The following FAM171A1 variants were observed in gnomAD, a reference collection of about 807,000 sequenced individuals.
FAM171A1 encodes the protein protein FAM171A1.
FAM171A1 carries 23 observed loss-of-function variants against 74.9 expected under a neutral mutation model. The observed-to-expected ratio is 0.31, with a 90% CI of 0.22 to 0.44. The LOEUF is 0.44. Ranked by LOEUF, FAM171A1 falls within the 20% of genes least tolerant of loss-of-function variation. The pLI, the probability that FAM171A1 is intolerant of heterozygous loss-of-function variation, is 1.00. For synonymous variants in FAM171A1, 527 were observed against 505.7 expected (o/e 1.04, Z -0.57); for missense variants, 1,162 against 1,159.2 (o/e 1.00, Z -0.03).
intron 3 of FAM171A1, among the ~76,000 whole-genome samples, chr10:15,259,033 C>T (rs1390041645): frequency 1.3e-5 from 2 of 152,162 alleles, no homozygotes; most frequent in Non-Finnish European, 2.9e-5. Flanking sequence ...GCCCATCTGT[C>T]ACTCTAAAAT....
chr10:15,274,210 C>T (rs1384079055), intron 3 of FAM171A1, among the ~76,000 whole-genome samples: 4 of 152,146 alleles, frequency 2.6e-5, no homozygotes, highest in African/African-American at 7.2e-5. Flanking sequence ...AATCAATGTG[C>T]AAAAATCACA....
At chr10:15,249,396 G>C (rs537494455) in intron 4 of FAM171A1, among the ~76,000 whole-genome samples, 3 of 152,126 alleles carry the variant, frequency 2.0e-5, no homozygotes, top group Non-Finnish European at 2.9e-5. Flanking sequence ...CACTGTGCCC[G>C]GTCAGGCTTG....
At position 15,364,101 on chromosome 10, in the gene FAM171A1, A is replaced by G. The variant is rs139774266; in HGVS notation, c.97+6855T>C. 3.7e-3 allele frequency among the ~76,000 whole-genome samples: 560 copies of G among 152,290 alleles called. 8 individuals are homozygous for G. Among genetic ancestry groups the G allele is most frequent in the African/African-American group, 0.013 (520 of 41,564 alleles). ...TCATTACATAAAGGCAGAAGGGACT[A>G]TGGCGACATCCCATCCCAGCTTTCT... is the stretch of plus-strand genomic sequence containing the variant. On this transcript the variant is annotated intron_variant, in intron 1 of 7. Coordinates refer to ENST00000378116, the MANE Select transcript of FAM171A1 (RefSeq NM_001010924.2).
intron 3 of FAM171A1, among the ~76,000 whole-genome samples, chr10:15,263,891 CTATCTAT>C (rs1834701745): frequency 6.6e-6 from 1 of 151,296 alleles, no homozygotes; most frequent in Non-Finnish European, 1.5e-5. Flanking sequence ...ATCTATCTAT[CTATCTAT>C]CTATCTATCC....
chr10:15,268,067 C>T (rs745894133), intron 3 of FAM171A1, among the ~76,000 whole-genome samples: 3 of 152,124 alleles, frequency 2.0e-5, no homozygotes, highest in Non-Finnish European at 2.9e-5. Context: ...TGCAGGCAGC[C>T]GGCTGTGTGG....
At chr10:15,246,182 C>T (rs1391407001) in intron 5 of FAM171A1, among the ~76,000 whole-genome samples, 1 of 152,042 alleles carries the variant, frequency 6.6e-6, no homozygotes, top group African/African-American at 2.4e-5. Flanking sequence ...AGAGAACACA[C>T]ACCATCAATG....
At chr10:15,354,444 C>T (rs895716913) in intron 1 of FAM171A1, among the ~76,000 whole-genome samples, 1 of 151,826 alleles carries the variant, frequency 6.6e-6, no homozygotes, top group South Asian at 2.1e-4. Context: ...TGCAGCGCAC[C>T]GAGATCACGC....
intron 3 of FAM171A1, among the ~76,000 whole-genome samples, chr10:15,272,275 A>G (rs1834836262): frequency 6.6e-6 from 1 of 152,238 alleles, no homozygotes; most frequent in Admixed American, 6.5e-5. Context: ...TTAAACCAAC[A>G]AAGATCAAAA....
intron 1 of FAM171A1, among the ~76,000 whole-genome samples, chr10:15,353,044 C>T (rs892760204): frequency 1.3e-5 from 2 of 152,216 alleles, no homozygotes; most frequent in African/African-American, 2.4e-5. Context: ...AGATGGGCTA[C>T]AAACTTGACC....
chr10:15,341,039 T>C (rs1383848657), intron 1 of FAM171A1, among the ~76,000 whole-genome samples: 1 of 152,252 alleles, frequency 6.6e-6, no homozygotes, highest in Non-Finnish European at 1.5e-5. Context: ...CGTCTCAAGC[T>C]TTTTAAGTGG....
chr10:15,346,071 G>A (rs1244739769), intron 1 of FAM171A1, among the ~76,000 whole-genome samples: 1 of 152,072 alleles, frequency 6.6e-6, no homozygotes, highest in African/African-American at 2.4e-5. Context: ...CAGGTGGAGG[G>A]GCTCTCCCAT....
chr10:15,298,728 T>A (rs868731180), intron 1 of FAM171A1, among the ~76,000 whole-genome samples: 20 of 152,126 alleles, frequency 1.3e-4, no homozygotes, highest in Non-Finnish European at 2.5e-4. Context: ...TCAGATATGG[T>A]AAAGTATCTA....
chr10:15,310,974 C>A (rs894701203), intron 1 of FAM171A1, among the ~76,000 whole-genome samples: 2 of 152,178 alleles, frequency 1.3e-5, no homozygotes, highest in African/African-American at 4.8e-5. Flanking sequence ...GAAGACAGAG[C>A]CCTCCAGGAG....
intron 5 of FAM171A1, among the ~76,000 whole-genome samples, chr10:15,222,919 T>G (rs1010615536): frequency 6.6e-6 from 1 of 152,256 alleles, no homozygotes; most frequent in African/African-American, 2.4e-5. Context: ...AAGCAAGGTT[T>G]TGCAAATGGG....
At chr10:15,238,190 G>A (rs1834319081) in intron 5 of FAM171A1, among the ~76,000 whole-genome samples, 1 of 152,090 alleles carries the variant, frequency 6.6e-6, no homozygotes, top group Non-Finnish European at 1.5e-5. Flanking sequence ...TTCCAATCTG[G>A]GTTACTTCAC....
chr10:15,346,762 T>G (rs191081278), intron 1 of FAM171A1, among the ~76,000 whole-genome samples: 1 of 152,302 alleles, frequency 6.6e-6, no homozygotes, highest in East Asian at 1.9e-4. Context: ...ATCAAAGCCC[T>G]GTGAACTAGG....
chr10:15,356,500 G>A (rs373510304), intron 1 of FAM171A1, among the ~76,000 whole-genome samples: 5 of 152,070 alleles, frequency 3.3e-5, no homozygotes, highest in South Asian at 2.1e-4. Context: ...AAGAATTGTC[G>A]AAACTGTTTA....
intron 1 of FAM171A1, among the ~76,000 whole-genome samples, chr10:15,325,081 C>T (rs912634477): frequency 6.6e-6 from 1 of 152,248 alleles, no homozygotes; most frequent in East Asian, 1.9e-4. Flanking sequence ...GAGCTCCCCA[C>T]TCCTTTCCTC....
At chr10:15,294,984 C>T (rs374518686) in intron 1 of FAM171A1, among the ~76,000 whole-genome samples, 108 of 152,280 alleles carry the variant, frequency 7.1e-4, no homozygotes, top group Middle Eastern at 6.8e-3. Context: ...GGCGCGATCT[C>T]GGCTCACTGC....
Sources: gnomAD v4.1 joint callset for allele counts (sites outside exome capture counted in the v4.1 genomes callset) on GRCh38, gnomAD v4.1.1 for gene constraint, MANE v1.5 for transcripts, NCBI Gene and HGNC (gene_info 2026-07-23, HGNC 2026-07-21) for gene names.